The following CARS1 variants were observed in gnomAD, a reference collection of about 807,000 sequenced individuals.
CARS1 encodes cysteinyl-tRNA synthetase 1, also known as cysteine--tRNA ligase, cytoplasmic.
CARS1 carries 48 observed loss-of-function variants against 106.2 expected under a neutral mutation model. That is an observed-to-expected ratio of 0.45 (90% CI 0.36 to 0.57). The LOEUF is 0.57. Ranked by LOEUF, CARS1 falls within the 20% of genes least tolerant of loss-of-function variation. The pLI, the probability that CARS1 is intolerant of heterozygous loss-of-function variation, is 0.00. For missense variants in CARS1, 968 were observed against 1,057.2 expected (o/e 0.92, Z 1.17); for synonymous variants, 409 against 403.4 (o/e 1.01, Z -0.17).
In CARS1 at chr11:3,039,853, A is replaced by C. The variant is rs563454625; in HGVS notation, c.534T>G (p.Ile178Met). Residue 178 changes from isoleucine to methionine, a missense_variant, in exon 5 of 23, where the codon ATT becomes ATG. Physicochemically the swap from Ile to Met is conservative, Grantham distance 10. Transcript: ENST00000380525. The surrounding 1 kb of genome is among the most constrained non-coding windows in gnomAD (Gnocchi z 5.6). ...FKFDVFYCMN[I>M]TDIDDKIIKR... ...CCTTTACCTTGTCATCAATATCCGT[A>C]ATGTTCATGCAATAAAAGACATCAA... 5.8e-6 allele frequency: 9 copies of C among 1,548,070 alleles called. No individual in the cohort carries two copies. Among genetic ancestry groups the C allele is most frequent in the Non-Finnish European group, 7.9e-6 (9 of 1,133,242 alleles).
rs1261754364 is a variant in CARS1 at position 3,022,502 on chromosome 11, G to A, written c.1154-2170C>T. Among the ~76,000 whole-genome samples, 3 of 152,084 alleles carry A rather than the reference G, an allele frequency of 2.0e-5. No individual in the cohort carries two copies. Among genetic ancestry groups the A allele is most frequent in the Admixed American group, 6.6e-5 (1 of 15,266 alleles). On this transcript the variant is annotated intron_variant, in intron 10 of 22. Coordinates refer to ENST00000380525, the MANE Select transcript of CARS1 (RefSeq NM_001014437.3). This position sits in a 1 kb window ranked among gnomAD's most constrained non-coding sequence, Gnocchi z 4.9. ...CATACAATTACTACGCTTCTTCTAC[G>A]GCAACCCCTGGTATCCCGGTATACT...
At chr11:3,018,018 CA>C in intron 14 of CARS1, 64 bp from the exon 15 acceptor site, 1 of 985,616 alleles carries the variant, frequency 1.0e-6, no homozygotes, top group South Asian at 1.3e-5. Context: ...ATATCTGTTA[CA>C]ACTTTCTACT....
Position 3,029,044 on chromosome 11 carries a change from A to G in CARS1, c.983T>C (p.Val328Ala). The G allele has an allele frequency of 1.9e-6, 3 of 1,613,974 alleles. No individual in the cohort carries two copies. In the Admixed American group the frequency reaches 5.0e-5, roughly 27 times the overall value. ...PDVLTRVSEY[V>A]PEIVNFVQKI... ...CTGGACAAAGTTCACAATTTCTGGC[A>G]CATACTCACTAACCCGGGTTAAGAC... The change falls in exon 9 of 23, where the codon GTG (valine) becomes GCG (alanine). Residue 328 changes from valine to alanine, a missense_variant. Physicochemically the swap from Val to Ala is moderately conservative, Grantham distance 64. Coordinates refer to ENST00000380525, the MANE Select transcript of CARS1 (RefSeq NM_001014437.3). The surrounding 1 kb of genome is among the most constrained non-coding windows in gnomAD (Gnocchi z 5.9).
rs553733646 is a variant in CARS1, at chr11:3,015,747, A to G, written c.1986+34T>C. Reference sequence around the variant, plus strand: ...GAGGGGTAGGGAGTGGGGAGGGAGCAGGTGCAGAAGGCAGGACCCTGCATG... The same window carrying G: ...GAGGGGTAGGGAGTGGGGAGGGAGCGGGTGCAGAAGGCAGGACCCTGCATG... On this transcript the variant is annotated intron_variant, in intron 17 of 22. Transcript: ENST00000380525. 9 of 1,587,726 alleles carry G rather than the reference A, an allele frequency of 5.7e-6. No homozygotes were observed. In the South Asian group the frequency reaches 8.8e-5, roughly 16 times the overall value.
At position 3,050,623 on chromosome 11, in the gene CARS1, G is replaced by A. The variant is rs986186167; in HGVS notation, c.26-2622C>T. ...CATTACTGCCCCCAACACCCACCTC[G>A]CCAGCAGCACAAGCCTGTCCTCATG... On this transcript the variant is annotated intron_variant, in intron 1 of 22. Coordinates refer to ENST00000380525, the MANE Select transcript of CARS1 (RefSeq NM_001014437.3). The surrounding 1 kb of genome is among the most constrained non-coding windows in gnomAD (Gnocchi z 6.3). Among the ~76,000 whole-genome samples, 10 of 152,126 alleles carry A rather than the reference G, an allele frequency of 6.6e-5. No individual in the cohort carries two copies. The highest frequency in any genetic ancestry group is 4.1e-4 in the South Asian group (2 of 4,820).
rs1355147906 is a variant in CARS1, at chr11:3,002,651, G to T, written c.2218-51C>A. The T allele has an allele frequency of 5.6e-6, 9 of 1,610,854 alleles. No homozygotes were observed. The East Asian group carries it at 1.8e-4, about 32-fold the overall frequency. On this transcript the variant is annotated intron_variant, in intron 20 of 22. Transcript: ENST00000380525. ...GAGACAGGGCTGCCTCAGGCTGCTG[G>T]GTCTCTCGGAGTGAGAGGTCTAGCC...
chr11:3,007,190 T>G (rs1387053569), intron 18 of CARS1: 1 of 578,664 alleles, frequency 1.7e-6, no homozygotes, highest in Non-Finnish European at 3.1e-6. Flanking sequence ...GTGTCTCCCG[T>G]AAGCCCAGGG....
rs368361569 is a variant in CARS1 at position 3,018,432 on chromosome 11, C to A, written c.1605G>T (p.Ala535=). Residue 535 remains alanine (A), a synonymous_variant, in exon 14 of 23, where the codon GCG becomes GCT. Transcript: ENST00000380525. ...CATTCAAGAACTTCTCATATTGAAGCGCTGACTCCATGGTGTTGCTGGAGT... is the reference window on the plus strand; with the variant it reads ...CATTCAAGAACTTCTCATATTGAAGAGCTGACTCCATGGTGTTGCTGGAGT... ...LDYSSNTMES[A]LQYEKFLNEF... 8 of 1,613,588 alleles carry A rather than the reference C, an allele frequency of 5.0e-6. No individual in the cohort carries two copies. The highest frequency in any genetic ancestry group is 6.8e-6 in the Non-Finnish European group (8 of 1,179,520).
intron 7 of CARS1, among the ~76,000 whole-genome samples, chr11:3,032,229 C>T (rs1375805291): frequency 1.3e-5 from 2 of 151,958 alleles, no homozygotes; most frequent in African/African-American, 2.4e-5. Context: ...CGTGACGCCA[C>T]GCCCAGCTAA....
In CARS1 at chr11:3,037,912, G is replaced by T; in HGVS notation, c.801+138C>A. 1.2e-6 allele frequency: 1 copy of T among 850,284 alleles called. No individual in the cohort carries two copies. Among genetic ancestry groups the T allele is most frequent in the Non-Finnish European group, 1.8e-6 (1 of 557,776 alleles). The allele number at this position is 850,284 out of a possible 1,614,324, so 52.7% of individuals were successfully genotyped here. A position where few individuals can be genotyped will look rare whatever the true frequency, so the allele number is the denominator to read the frequency against. The stretch of plus-strand genomic sequence containing the variant: ...CAGCCACCGCAGAACAGGGCCGCCT[G>T]CCACAGTGGAGCTACTGGAGACACA... On this transcript the variant is annotated intron_variant, in intron 7 of 22. Transcript: ENST00000380525. This position sits in a 1 kb window ranked among gnomAD's most constrained non-coding sequence, Gnocchi z 5.9.
rs765030596 is a variant in CARS1 at position 3,047,955 on chromosome 11, C to T, written c.72G>A (p.Arg24=). Reference sequence around the variant, plus strand: ...TGAGGTGCTCGTTCAGGGCTTGTGCCCTGGCTGCCTCGTCACTAATGCTCA... The same window carrying T: ...TGAGGTGCTCGTTCAGGGCTTGTGCTCTGGCTGCCTCGTCACTAATGCTCA... ...SILSISDEAA[R]AQALNEHLST... The change falls in exon 2 of 23, where the codon AGG becomes AGA. Residue 24 remains arginine (R), a synonymous_variant. Transcript: ENST00000380525. The T allele has an allele frequency of 3.7e-6, 6 of 1,614,018 alleles. No individual in the cohort carries two copies. In the South Asian group the frequency reaches 6.6e-5, roughly 18 times the overall value.
intron 1 of CARS1, among the ~76,000 whole-genome samples, chr11:3,051,637 G>A (rs1430758247): frequency 6.6e-6 from 1 of 152,148 alleles, no homozygotes; most frequent in Non-Finnish European, 1.5e-5. Flanking sequence ...TGCCAGCAGG[G>A]GTCCCATTTC....
At position 3,019,103 on chromosome 11, in the gene CARS1, T is replaced by A. The variant is rs1590373718; in HGVS notation, c.1395+36A>T. Reference sequence around the variant, plus strand: ...CTCCACTGCAGTATGAACACTGTGCTCTTGCACCTGACAAGGGGACTCTGT... The same window carrying A: ...CTCCACTGCAGTATGAACACTGTGCACTTGCACCTGACAAGGGGACTCTGT... On this transcript the variant is annotated intron_variant, in intron 12 of 22. Transcript: ENST00000380525. This position sits in a 1 kb window ranked among gnomAD's most constrained non-coding sequence, Gnocchi z 6.2. 1.3e-6 allele frequency: 2 copies of A among 1,496,860 alleles called. No homozygotes were observed. The highest frequency in any genetic ancestry group is 1.8e-6 in the Non-Finnish European group (2 of 1,125,336). The allele number at this position is 1,496,860 out of a possible 1,614,324, so 92.7% of individuals were successfully genotyped here.
intron 21 of CARS1, 119 bp from the exon 22 acceptor site, chr11:3,002,172 G>A (rs765179492): frequency 1.1e-4 from 83 of 747,986 alleles, no homozygotes; most frequent in Non-Finnish European, 1.8e-4. Context: ...CAGATTCAGA[G>A]TGCTATGAAA....
In CARS1 at chr11:3,018,686, C is replaced by T; in HGVS notation, c.1459G>A (p.Gly487Ser). The change falls in exon 13 of 23, where the codon GGC (glycine) becomes AGC (serine). Residue 487 changes from glycine (G) to serine (S), a missense_variant. Gly to Ser is a moderately conservative substitution (Grantham distance 56, BLOSUM62 0). Transcript: ENST00000380525. ...FLHTGHLTIA[G>S]CKMSKSLKNF... Reference sequence around the variant, plus strand: ...TTTAGTGACTTTGACATTTTGCAGCCTGCAATGGTCAGGTGGCCTGTGTGC... The same window carrying T: ...TTTAGTGACTTTGACATTTTGCAGCTTGCAATGGTCAGGTGGCCTGTGTGC... 6.2e-7 allele frequency: 1 copy of T among 1,614,180 alleles called. No homozygotes were observed. Among genetic ancestry groups the T allele is most frequent in the Non-Finnish European group, 8.5e-7 (1 of 1,180,032 alleles).
rs192702252 is a variant in CARS1, at chr11:3,046,847, G to A, written c.274+906C>T. On this transcript the variant is annotated intron_variant, in intron 2 of 22. Coordinates refer to ENST00000380525, the MANE Select transcript of CARS1 (RefSeq NM_001014437.3). This position sits in a 1 kb window ranked among gnomAD's most constrained non-coding sequence, Gnocchi z 5.8. Reference sequence around the variant, plus strand: ...CTCAGATTTGCCACAGAGTGACAAAGCCATGCAGGCATCCCAGGAGTATCT... The same window carrying A: ...CTCAGATTTGCCACAGAGTGACAAAACCATGCAGGCATCCCAGGAGTATCT... Among the ~76,000 whole-genome samples the A allele has an allele frequency of 6.6e-6, 1 of 152,340 alleles. No homozygotes were observed. The highest frequency in any genetic ancestry group is 1.9e-4 in the East Asian group (1 of 5,178).
In CARS1 at chr11:3,041,704, A is replaced by G. The variant is rs182126222; in HGVS notation, c.366+461T>C. Among the ~76,000 whole-genome samples the G allele has an allele frequency of 6.0e-4, 92 of 152,242 alleles. No individual in the cohort carries two copies. The highest frequency in any genetic ancestry group is 2.2e-3 in the African/African-American group (90 of 41,530). ...GCCCTGAGCCAAGCAAACCATGCAA[A>G]CCCCATTCTGTTAGGAACCAATCCT... On this transcript the variant is annotated intron_variant, in intron 3 of 22. Coordinates refer to ENST00000380525, the MANE Select transcript of CARS1 (RefSeq NM_001014437.3). This position sits in a 1 kb window ranked among gnomAD's most constrained non-coding sequence, Gnocchi z 4.9.
intron 7 of CARS1, among the ~76,000 whole-genome samples, chr11:3,036,001 C>G (rs1314545024): frequency 6.6e-6 from 1 of 152,220 alleles, no homozygotes; most frequent in African/African-American, 2.4e-5. Flanking sequence ...GGTGGAACAC[C>G]AGCTTTCCTC....
Position 3,015,503 on chromosome 11 carries a change from C to T in CARS1, c.1986+278G>A, listed in dbSNP as rs547308748. 5.3e-5 allele frequency among the ~76,000 whole-genome samples: 8 copies of T among 152,340 alleles called. No individual in the cohort carries two copies. In the East Asian group the frequency reaches 5.8e-4, roughly 11 times the overall value. On this transcript the variant is annotated intron_variant, in intron 17 of 22. Coordinates refer to ENST00000380525, the MANE Select transcript of CARS1 (RefSeq NM_001014437.3). ...GCCGCAGCAAAATGCAAATAAGCAG[C>T]GGCCTATGTAGTTGGGGTCCAAGAC...
Sources: gnomAD v4.1 joint callset for allele counts (sites outside exome capture counted in the v4.1 genomes callset) on GRCh38, gnomAD v4.1.1 for gene constraint, Gnocchi (gnomAD v3.1) non-coding constraint, MANE v1.5 for transcripts, NCBI Gene and HGNC (gene_info 2026-07-23, HGNC 2026-07-21) for gene names.